The following DNAL4 variants were observed in gnomAD, a reference collection of about 807,000 sequenced individuals.
The protein encoded by DNAL4 is dynein axonemal light chain 4.
DNAL4 carries 10 observed loss-of-function variants against 12.6 expected under a neutral mutation model. The observed-to-expected ratio is 0.79, with a 90% CI of 0.49 to 1.34. The LOEUF (loss-of-function observed/expected upper bound fraction) is 1.34. Ranked by LOEUF, DNAL4 falls within the 40% of genes most tolerant of loss-of-function variation. The probability of loss-of-function intolerance (pLI) is 0.00; values close to 1 mark genes in which losing one functional copy is unlikely to be tolerated. For synonymous variants in DNAL4, 46 were observed against 53.1 expected (o/e 0.87, Z 0.58); for missense variants, 128 against 138.1 (o/e 0.93, Z 0.37).
intron 3 of DNAL4, among the ~76,000 whole-genome samples, chr22:38,780,553 G>A (rs1209699270): frequency 1.3e-5 from 2 of 152,190 alleles, no homozygotes. Flanking sequence ...CTAGAACAGC[G>A]CCTGTTCAAC....
At chr22:38,781,877 C>T (rs376580728) in intron 2 of DNAL4, among the ~76,000 whole-genome samples, 7 of 152,220 alleles carry the variant, frequency 4.6e-5, no homozygotes, top group Non-Finnish European at 7.3e-5. Context: ...CCACCCTCAT[C>T]GCTCTGGGCC....
chr22:38,782,398 G>A lies in DNAL4; in HGVS notation c.69+265C>T, dbSNP rs2093035592. On this transcript the variant is annotated intron_variant, in intron 2 of 3. Transcript: ENST00000216068. This position sits in a 1 kb window ranked among gnomAD's most constrained non-coding sequence, Gnocchi z 5.1. ...CATGTTCTTAAAACATGTATTTCAT[G>A]TGGGCCAGGCCTTCGCCTGTCTCGT... Among the ~76,000 whole-genome samples, 2 of 152,252 alleles carry A rather than the reference G, an allele frequency of 1.3e-5. No individual in the cohort carries two copies. The highest frequency in any genetic ancestry group is 2.1e-4 in the South Asian group (1 of 4,828).
At position 38,779,895 on chromosome 22, in the gene DNAL4, C is replaced by A. The variant is rs1027510372; in HGVS notation, c.154-282G>T. Among the ~76,000 whole-genome samples, 1 of 152,214 alleles carries A rather than the reference C, an allele frequency of 6.6e-6. No individual in the cohort carries two copies. Among genetic ancestry groups the A allele is most frequent in the Non-Finnish European group, 1.5e-5 (1 of 68,040 alleles). ...GTCTGGAGATAGCCTGGGGCTGCGT[C>A]CTGGCTCTGCACTTAGTGCGGGCTT... On this transcript the variant is annotated intron_variant, in intron 3 of 3. Coordinates refer to ENST00000216068, the MANE Select transcript of DNAL4 (RefSeq NM_005740.3). The surrounding 1 kb of genome is among the most constrained non-coding windows in gnomAD (Gnocchi z 4.3).
In DNAL4 at chr22:38,779,122, G is replaced by A. The variant is rs147146641; in HGVS notation, c.*327C>T. On this transcript the variant is annotated 3_prime_UTR_variant, in exon 4 of 4. Transcript: ENST00000216068. The surrounding 1 kb of genome is among the most constrained non-coding windows in gnomAD (Gnocchi z 4.3). The stretch of plus-strand genomic sequence containing the variant: ...CAGGATGCAAGGGGAAGGCAGCCCT[G>A]GAGAAAGGGGGACTGGCGTGTTCCT... 2.5e-3 allele frequency: 509 copies of A among 206,826 alleles called. 5 individuals carry two copies. The highest frequency in any genetic ancestry group is 0.011 in the African/African-American group (485 of 43,678). 12.8% of individuals were successfully genotyped at this position (206,826 alleles called of 1,614,324 possible).
chr22:38,779,276 G>A lies in DNAL4; in HGVS notation c.*173C>T. 1.2e-6 allele frequency: 1 copy of A among 828,522 alleles called. No individual in the cohort carries two copies. Among genetic ancestry groups the A allele is most frequent in the Non-Finnish European group, 1.8e-6 (1 of 558,346 alleles). The allele number at this position is 828,522 out of a possible 1,614,324, so 51.3% of individuals were successfully genotyped here. On this transcript the variant is annotated 3_prime_UTR_variant, in exon 4 of 4. Coordinates refer to ENST00000216068, the MANE Select transcript of DNAL4 (RefSeq NM_005740.3). The surrounding 1 kb of genome is among the most constrained non-coding windows in gnomAD (Gnocchi z 4.3). ...CCGAGGGAGACGGTTGAGAGCCTGG[G>A]GATGGAGATGTCAAGTTCACACACT...
At chr22:38,787,046 C>T (rs760950168) in intron 1 of DNAL4, among the ~76,000 whole-genome samples, 27 of 152,070 alleles carry the variant, frequency 1.8e-4, no homozygotes, top group Non-Finnish European at 3.1e-4. Flanking sequence ...GGAACATCCG[C>T]GGCCCTTAGA....
chr22:38,790,687 G>A (rs2093049250), intron 1 of DNAL4, among the ~76,000 whole-genome samples: 1 of 152,264 alleles, frequency 6.6e-6, no homozygotes, highest in South Asian at 2.1e-4. Flanking sequence ...TCTGAGAATC[G>A]TTAGGCGATT....
chr22:38,792,858 AT>A (rs1309036342), intron 1 of DNAL4, among the ~76,000 whole-genome samples: 1 of 152,330 alleles, frequency 6.6e-6, no homozygotes, highest in African/African-American at 2.4e-5. Flanking sequence ...ACACTGTAAA[AT>A]AACAATAAAA....
At chr22:38,791,583 G>A (rs887281570) in intron 1 of DNAL4, among the ~76,000 whole-genome samples, 12 of 151,992 alleles carry the variant, frequency 7.9e-5, no homozygotes, top group Admixed American at 1.3e-4. Context: ...GTAGAGATGG[G>A]GTTTCTCCAT....
At chr22:38,793,366 C>T (rs1241237644) in intron 1 of DNAL4, among the ~76,000 whole-genome samples, 2 of 152,178 alleles carry the variant, frequency 1.3e-5, no homozygotes, top group African/African-American at 4.8e-5. Context: ...TTCATATTAG[C>T]CTCAGAATTA....
rs1248122204 is a variant in DNAL4, at chr22:38,782,737, T to G, written c.-6A>C. 1 of 1,609,266 alleles carries G rather than the reference T, an allele frequency of 6.2e-7. No homozygotes were observed. The highest frequency in any genetic ancestry group is 2.3e-5 in the East Asian group (1 of 44,254). ...TTCCCTTCTGTTTCTCCCATGATCC[T>G]TCCACTGTGACCACTGGAGGAGAGT... On this transcript the variant is annotated 5_prime_UTR_variant, in exon 2 of 4. Coordinates refer to ENST00000216068, the MANE Select transcript of DNAL4 (RefSeq NM_005740.3). This position sits in a 1 kb window ranked among gnomAD's most constrained non-coding sequence, Gnocchi z 5.1.
rs138389147 is a variant in DNAL4 at position 38,782,724 on chromosome 22, T to G, written c.8A>C (p.Glu3Ala). The change falls in exon 2 of 4, where the codon GAA (glutamate) becomes GCA (alanine). Residue 3 changes from glutamate (E) to alanine (A), a missense_variant. Physicochemically the swap from Glu to Ala is moderately radical, Grantham distance 107. Transcript: ENST00000216068. This position sits in a 1 kb window ranked among gnomAD's most constrained non-coding sequence, Gnocchi z 5.1. MG[E>A]TEGKKDEADY... ...AGCCTCATCTTTCTTCCCTTCTGTT[T>G]CTCCCATGATCCTTCCACTGTGACC... is the stretch of plus-strand genomic sequence containing the variant. 20 of 1,612,872 alleles carry G rather than the reference T, an allele frequency of 1.2e-5. No individual in the cohort carries two copies. The highest frequency in any genetic ancestry group is 1.5e-5 in the Non-Finnish European group (18 of 1,179,632).
chr22:38,782,456 G>A lies in DNAL4; in HGVS notation c.69+207C>T, dbSNP rs933080029. ...CCCCACAGTGCCTAGAACAGTGCCCGGCATAGAGTAGGTGGCCCAATACTT... is the reference window on the plus strand; with the variant it reads ...CCCCACAGTGCCTAGAACAGTGCCCAGCATAGAGTAGGTGGCCCAATACTT... On this transcript the variant is annotated intron_variant, in intron 2 of 3. Transcript: ENST00000216068. The surrounding 1 kb of genome is among the most constrained non-coding windows in gnomAD (Gnocchi z 5.1). Among the ~76,000 whole-genome samples the A allele has an allele frequency of 2.6e-5, 4 of 152,220 alleles. No homozygotes were observed. The highest frequency in any genetic ancestry group is 5.9e-5 in the Non-Finnish European group (4 of 68,040).
chr22:38,780,156 C>T (rs115437036), intron 3 of DNAL4, among the ~76,000 whole-genome samples: 1 of 152,166 alleles, frequency 6.6e-6, no homozygotes, highest in Non-Finnish European at 1.5e-5. Context: ...GGGCAGGGAC[C>T]CCCGCTCGGC....
rs1377204383 is a variant in DNAL4, at chr22:38,779,647, A to G, written c.154-34T>C. 1 of 1,575,426 alleles carries G rather than the reference A, an allele frequency of 6.3e-7. No individual in the cohort carries two copies. Among genetic ancestry groups the G allele is most frequent in the Admixed American group, 1.8e-5 (1 of 55,432 alleles). ...AAGAGGGCACTTATCAAGGGGGCGCAGGGCAGGTGGGGGCAGGAGTCAGGT... is the reference window on the plus strand; with the variant it reads ...AAGAGGGCACTTATCAAGGGGGCGCGGGGCAGGTGGGGGCAGGAGTCAGGT... On this transcript the variant is annotated intron_variant, in intron 3 of 3. Transcript: ENST00000216068. The surrounding 1 kb of genome is among the most constrained non-coding windows in gnomAD (Gnocchi z 4.3).
rs1487476828 is a variant in DNAL4, at chr22:38,779,203, G to A, written c.*246C>T. 7.8e-6 allele frequency: 3 copies of A among 384,036 alleles called. No individual in the cohort carries two copies. The highest frequency in any genetic ancestry group is 7.7e-5 in the South Asian group (1 of 12,974). 23.8% of individuals were successfully genotyped at this position (384,036 alleles called of 1,614,324 possible). On this transcript the variant is annotated 3_prime_UTR_variant, in exon 4 of 4. Transcript: ENST00000216068. This position sits in a 1 kb window ranked among gnomAD's most constrained non-coding sequence, Gnocchi z 4.3. ...ACCCTGTCACACCGCCCCACCCCAC[G>A]TCTCCCACACAGACCCATGCCCGCT...
chr22:38,788,429 C>A (rs539395517), intron 1 of DNAL4, among the ~76,000 whole-genome samples: 1 of 152,084 alleles, frequency 6.6e-6, no homozygotes, highest in Non-Finnish European at 1.5e-5. Context: ...CATTTTGCTG[C>A]GGTCCAATGA....
chr22:38,783,160 A>C (rs960636995), intron 1 of DNAL4, among the ~76,000 whole-genome samples: 4 of 152,142 alleles, frequency 2.6e-5, no homozygotes, highest in African/African-American at 9.7e-5. Context: ...GAGCAAATGC[A>C]GTTTCCCCGC....
rs148459666 is a variant in DNAL4, at chr22:38,787,666, ACAAAC to A, written c.-139-4801_-139-4797del. On this transcript the variant is annotated intron_variant, in intron 1 of 3. Coordinates refer to ENST00000216068, the MANE Select transcript of DNAL4 (RefSeq NM_005740.3). Reference sequence around the variant, plus strand: ...GCTACACATCTAAACGTGCAGCCAAACAAACCACTATCTCCCAAGTTCCCACTATG... The same window carrying A: ...GCTACACATCTAAACGTGCAGCCAAACACTATCTCCCAAGTTCCCACTATG... Among the ~76,000 whole-genome samples, 587 of 152,330 alleles carry A rather than the reference ACAAAC, an allele frequency of 3.9e-3. 5 individuals carry two copies. Among genetic ancestry groups the A allele is most frequent in the Admixed American group, 1.0e-2 (153 of 15,308 alleles).
Sources: gnomAD v4.1 joint callset for allele counts (sites outside exome capture counted in the v4.1 genomes callset) on GRCh38, gnomAD v4.1.1 for gene constraint, Gnocchi (gnomAD v3.1) non-coding constraint, MANE v1.5 for transcripts, NCBI Gene and HGNC (gene_info 2026-07-23, HGNC 2026-07-21) for gene names.